Variants in KIF6 observed in about 807,000 individuals in gnomAD.
The protein encoded by KIF6 is kinesin family member 6.
Under a neutral mutation model 112.7 loss-of-function variants are expected in KIF6, and 106 were observed. The observed-to-expected ratio is 0.94, with a 90% confidence interval of 0.80 to 1.11. The LOEUF is 1.11. Among genes scored for constraint, KIF6 ranks in the 50% least tolerant of loss-of-function variants. The probability of loss-of-function intolerance (pLI) is 0.00; values close to 1 mark genes in which losing one functional copy is unlikely to be tolerated. For synonymous variants in KIF6, 339 were observed against 339.9 expected (o/e 1.00, Z 0.03); for missense variants, 929 against 964.0 (o/e 0.96, Z 0.48).
intron 13 of KIF6, among the ~76,000 whole-genome samples, chr6:39,478,336 T>C (rs1774569480): frequency 6.6e-6 from 1 of 152,252 alleles, no homozygotes; most frequent in Non-Finnish European, 1.5e-5. Flanking sequence ...AGAATAATAG[T>C]CTCCAATTCC....
intron 6 of KIF6, among the ~76,000 whole-genome samples, chr6:39,606,177 A>G (rs1782875515): frequency 6.7e-6 from 1 of 148,730 alleles, no homozygotes; most frequent in Non-Finnish European, 1.5e-5. Context: ...CTTCCTTTCT[A>G]TTCACTTCTA....
chr6:39,628,088 A>G (rs577785017), intron 5 of KIF6, among the ~76,000 whole-genome samples: 34 of 152,182 alleles, frequency 2.2e-4, no homozygotes, highest in Non-Finnish European at 3.7e-4. Flanking sequence ...ATACAGCTAT[A>G]AGAAATAATT....
intron 3 of KIF6, among the ~76,000 whole-genome samples, chr6:39,693,668 T>C (rs950800790): frequency 6.6e-6 from 1 of 151,202 alleles, no homozygotes; most frequent in African/African-American, 2.4e-5. Flanking sequence ...ATGGAATCAG[T>C]AATAAAAAAA....
intron 15 of KIF6, among the ~76,000 whole-genome samples, chr6:39,418,996 G>T (rs962710476): frequency 3.9e-5 from 6 of 152,066 alleles, no homozygotes; most frequent in Admixed American, 6.6e-5. Context: ...CCCTGGGCCT[G>T]GGAGATGGGT....
At chr6:39,702,848 C>T (rs1283200301) in intron 3 of KIF6, among the ~76,000 whole-genome samples, 1 of 151,756 alleles carries the variant, frequency 6.6e-6, no homozygotes, top group African/African-American at 2.4e-5. Flanking sequence ...CCTCTGAGAA[C>T]GGCTACACTG....
chr6:39,460,122 C>G (rs1168691543), intron 13 of KIF6, among the ~76,000 whole-genome samples: 2 of 147,924 alleles, frequency 1.4e-5, no homozygotes, highest in African/African-American at 2.5e-5. Context: ...TTGGAACCAA[C>G]CCAAATGTCC....
intron 19 of KIF6, among the ~76,000 whole-genome samples, chr6:39,349,789 C>T (rs866847092): frequency 7.2e-5 from 11 of 151,750 alleles, no homozygotes; most frequent in East Asian, 1.9e-4. Flanking sequence ...ACTACAGGCA[C>T]GCACCACCAT....
intron 3 of KIF6, among the ~76,000 whole-genome samples, chr6:39,671,468 A>C (rs1283483188): frequency 1.3e-5 from 2 of 152,164 alleles, no homozygotes; most frequent in African/African-American, 4.8e-5. Context: ...GCCCGCTTCT[A>C]TCCTAGGCAT....
intron 15 of KIF6, among the ~76,000 whole-genome samples, chr6:39,403,972 T>A (rs1768897545): frequency 6.6e-6 from 1 of 152,198 alleles, no homozygotes; most frequent in South Asian, 2.1e-4. Flanking sequence ...TGGTCAGGCC[T>A]TTTGCACCCC....
At chr6:39,451,064 A>G (rs1357554272) in intron 13 of KIF6, among the ~76,000 whole-genome samples, 1 of 152,162 alleles carries the variant, frequency 6.6e-6, no homozygotes, top group Non-Finnish European at 1.5e-5. Flanking sequence ...ATTGCTTTAT[A>G]TATATACACT....
intron 13 of KIF6, among the ~76,000 whole-genome samples, chr6:39,444,608 T>A (rs1772185761): frequency 6.6e-6 from 1 of 152,170 alleles, no homozygotes; most frequent in African/African-American, 2.4e-5. Flanking sequence ...ATGCTGTGCA[T>A]TAGAGCCCCA....
chr6:39,628,683 A>AC (rs1784212942), intron 5 of KIF6, among the ~76,000 whole-genome samples: 1 of 152,070 alleles, frequency 6.6e-6, no homozygotes, highest in Non-Finnish European at 1.5e-5. Context: ...CACCTTATTA[A>AC]CTAAAGCCTA....
chr6:39,609,936 AG>A (rs1561861022), intron 6 of KIF6, among the ~76,000 whole-genome samples: 1 of 152,228 alleles, frequency 6.6e-6, no homozygotes, highest in East Asian at 1.9e-4. Context: ...TAATTATCAC[AG>A]GGTATTCTAA....
chr6:39,540,752 G>A (rs935914578), intron 12 of KIF6, among the ~76,000 whole-genome samples: 1 of 152,232 alleles, frequency 6.6e-6, no homozygotes, highest in Admixed American at 6.5e-5. Context: ...AGCTCAGCAC[G>A]TGCTTATGTA....
intron 13 of KIF6, among the ~76,000 whole-genome samples, chr6:39,516,783 T>C (rs917105379): frequency 6.6e-6 from 1 of 152,198 alleles, no homozygotes; most frequent in African/African-American, 2.4e-5. Flanking sequence ...TGGCTGTACA[T>C]GGCAAATCAT....
intron 14 of KIF6, among the ~76,000 whole-genome samples, chr6:39,421,397 C>T (rs1476516479): frequency 1.3e-5 from 2 of 152,182 alleles, no homozygotes; most frequent in Non-Finnish European, 1.5e-5. Flanking sequence ...CCTCCTCCTC[C>T]GCACTCTTCT....
intron 13 of KIF6, among the ~76,000 whole-genome samples, chr6:39,530,974 G>T (rs1333177634): frequency 1.3e-5 from 2 of 151,738 alleles, no homozygotes; most frequent in Non-Finnish European, 2.9e-5. Flanking sequence ...CTGTTGCTTT[G>T]CCGCCTTGAT....
chr6:39,500,835 G>A (rs890616794), intron 13 of KIF6, among the ~76,000 whole-genome samples: 3 of 152,102 alleles, frequency 2.0e-5, no homozygotes, highest in African/African-American at 7.2e-5. Context: ...CAGAGAGGTG[G>A]AAGCTCTCTT....
At chr6:39,615,202 A>AAG (rs912282331) in intron 5 of KIF6, among the ~76,000 whole-genome samples, 2 of 151,838 alleles carry the variant, frequency 1.3e-5, no homozygotes, top group Non-Finnish European at 1.5e-5. Flanking sequence ...ATAAAATAAA[A>AAG]AGAGAGAGAG....
Sources: allele counts gnomAD v4.1 joint callset (sites outside exome capture counted in the v4.1 genomes callset), GRCh38; gene constraint gnomAD v4.1.1; transcripts MANE v1.5; gene names NCBI Gene and HGNC (gene_info 2026-07-23, HGNC 2026-07-21).